Variants in SSUH2 observed in about 807,000 individuals in gnomAD.
SSUH2 encodes the protein ssu-2 homolog, also known as protein SSUH2 homolog.
A neutral mutation model predicts 55.3 loss-of-function variants in SSUH2; 47 were observed. The ratio of observed to expected loss-of-function variants is 0.85; its 90% CI spans 0.67 to 1.08. SSUH2 has a LOEUF of 1.08. Among genes scored for constraint, SSUH2 ranks in the 50% least tolerant of loss-of-function variants. The probability of loss-of-function intolerance (pLI) is 0.00; values close to 1 mark genes in which losing one functional copy is unlikely to be tolerated. For synonymous variants in SSUH2, 212 were observed against 191.5 expected (o/e 1.11, Z -0.89); for missense variants, 535 against 490.7 (o/e 1.09, Z -0.85).
intron 1 of SSUH2, chr3:8,679,967 C>A (rs577243032): frequency 6.6e-6 from 1 of 152,278 alleles, no homozygotes; most frequent in South Asian, 2.1e-4. Context: ...GGGGCGGGGA[C>A]CGGGAACCTT....
At chr3:8,665,443 C>A (rs1703907241) in intron 5 of SSUH2, among the ~76,000 whole-genome samples, 1 of 152,156 alleles carries the variant, frequency 6.6e-6, no homozygotes, top group Non-Finnish European at 1.5e-5. Flanking sequence ...CAGTCTCTGT[C>A]CCTCAGTGTT....
chr3:8,625,749 C>T, intron 9 of SSUH2, 102 bp from the exon 10 acceptor site: 1 of 741,432 alleles, frequency 1.3e-6, no homozygotes, highest in Non-Finnish European at 2.3e-6. Context: ...TGAATTGCTA[C>T]TGGAGGGACC....
intron 1 of SSUH2, among the ~76,000 whole-genome samples, chr3:8,640,701 G>A (rs994566863): frequency 4.6e-5 from 7 of 152,132 alleles, no homozygotes; most frequent in African/African-American, 7.2e-5. Flanking sequence ...AGAGAAGCAT[G>A]AATAGTTGGT....
In SSUH2 at chr3:8,632,056, G is replaced by A; in HGVS notation, c.393C>T (p.Pro131=). 6.2e-7 allele frequency: 1 copy of A among 1,613,626 alleles called. No homozygotes were observed. Among genetic ancestry groups the A allele is most frequent in the South Asian group, 1.1e-5 (1 of 91,048 alleles). ...ESRISEWTFQ[P]FTNHSVDGPQ... ...TTCAGACAATTCACTTACTAGTAAA[G>A]GGTTGAAATGTCCACTCGCTTATCC... The change falls in exon 5 of 12, where the codon CCC becomes CCT. Residue 131 remains proline, a synonymous_variant. Transcript: ENST00000544814.
intron 7 of SSUH2, 127 bp from the exon 8 acceptor site, chr3:8,627,910 T>C (rs1463598386): frequency 1.5e-6 from 1 of 658,070 alleles, no homozygotes; most frequent in Non-Finnish European, 2.4e-6. Flanking sequence ...CCTTCATCTG[T>C]AAAATGGTGC....
At chr3:8,639,363 A>G (rs1559408773) in intron 1 of SSUH2, among the ~76,000 whole-genome samples, 2 of 152,188 alleles carry the variant, frequency 1.3e-5, no homozygotes, top group Non-Finnish European at 2.9e-5. Context: ...TCCCTATTTC[A>G]GAGAAGAATG....
intron 3 of SSUH2, chr3:8,634,595 C>A: frequency 4.7e-6 from 6 of 1,289,700 alleles, no homozygotes; most frequent in Non-Finnish European, 6.1e-6. Context: ...ACAAGAGACA[C>A]TGTGGGCTGG....
In SSUH2 at chr3:8,680,295, T is replaced by C. The variant is rs1301944014; in HGVS notation, c.-1045-446A>G. Among the ~76,000 whole-genome samples, 8 of 151,914 alleles carry C rather than the reference T, an allele frequency of 5.3e-5. No homozygotes were observed. The East Asian group carries it at 1.5e-3, about 29-fold the overall frequency. The stretch of plus-strand genomic sequence containing the variant: ...CTGAACATAAAGGCCCCCCATGCTG[T>C]GGTGACTGAAAGCCAGCCCCTCTTC... On this transcript the variant is annotated intron_variant, in intron 1 of 18. Transcript: ENST00000317371.
chr3:8,654,234 G>A (rs1479998356), intron 7 of SSUH2, among the ~76,000 whole-genome samples: 3 of 152,084 alleles, frequency 2.0e-5, no homozygotes, highest in Non-Finnish European at 2.9e-5. Flanking sequence ...ATTCCATCCT[G>A]GGGACCCCAC....
intron 1 of SSUH2, chr3:8,639,897 G>T: frequency 1.1e-6 from 1 of 925,102 alleles, no homozygotes; most frequent in Non-Finnish European, 1.3e-6. Flanking sequence ...CTTAAACAAA[G>T]AGTGGGAATC....
In SSUH2 at chr3:8,635,745, C is replaced by T; in HGVS notation, c.127+14G>A. ...AGGTAGAAGCCCAAAGAACCAAGCC[C>T]TCTTGGAACTTACTGCCCCCTTGAA... On this transcript the variant is annotated intron_variant, in intron 2 of 11. Transcript: ENST00000544814. 6.5e-7 allele frequency: 1 copy of T among 1,533,596 alleles called. No homozygotes were observed. 95.0% of individuals were successfully genotyped at this position (1,533,596 alleles called of 1,614,324 possible). A position where few individuals can be genotyped will look rare whatever the true frequency, so the allele number is the denominator to read the frequency against.
In SSUH2 at chr3:8,629,304, T is replaced by G. The variant is rs1241088668; in HGVS notation, c.588+360A>C. On this transcript the variant is annotated intron_variant, in intron 7 of 11. Transcript: ENST00000544814. ...CCACTGCCCTGCACGACAAATGGAGTTGCTTGTTGGTTTCCCTGGCTGACA... is the reference window on the plus strand; with the variant it reads ...CCACTGCCCTGCACGACAAATGGAGGTGCTTGTTGGTTTCCCTGGCTGACA... 1.9e-5 allele frequency: 5 copies of G among 259,194 alleles called. No individual in the cohort carries two copies. The East Asian group carries it at 4.5e-4, about 23-fold the overall frequency. The allele number at this position is 259,194 out of a possible 1,614,324, so 16.1% of individuals were successfully genotyped here. A position where few individuals can be genotyped will look rare whatever the true frequency, so the allele number is the denominator to read the frequency against.
rs1170245041 is a variant in SSUH2 at position 8,633,737 on chromosome 3, T to C, written c.268A>G (p.Lys90Glu). 1.9e-6 allele frequency: 3 copies of C among 1,600,554 alleles called. No individual in the cohort carries two copies. Among genetic ancestry groups the C allele is most frequent in the Admixed American group, 3.4e-5 (2 of 58,776 alleles). The change falls in exon 4 of 12, where the codon AAG becomes GAG. Residue 90 changes from lysine to glutamate, a missense_variant. Physicochemically the swap from Lys to Glu is moderately conservative, Grantham distance 56. Transcript: ENST00000544814. ...REALLSFVDS[K>E]CCYSSTVAGD... ...GCCACCGTGCTGCTGTAGCAGCACTTAGAGTCCACAAAGCTGAGGAGGGCT... is the reference window on the plus strand; with the variant it reads ...GCCACCGTGCTGCTGTAGCAGCACTCAGAGTCCACAAAGCTGAGGAGGGCT...
At chr3:8,663,092 G>A (rs145903633) in intron 6 of SSUH2, among the ~76,000 whole-genome samples, 245 of 152,314 alleles carry the variant, frequency 1.6e-3, no homozygotes, top group Middle Eastern at 3.4e-3. Context: ...GATAATTAAC[G>A]TGCCATGCTG....
rs544116119 is a variant in SSUH2 at position 8,621,156 on chromosome 3, G to A, written c.982-1142C>T. ...CTTTCTTGTGGACTTCCTGTGGGCC[G>A]GGCTCTGTGCAAAAACCCCTAAGTT... On this transcript the variant is annotated intron_variant, in intron 11 of 11. Transcript: ENST00000544814. Among the ~76,000 whole-genome samples, 8 of 152,252 alleles carry A rather than the reference G, an allele frequency of 5.3e-5. No homozygotes were observed. The South Asian group carries it at 1.0e-3, about 20-fold the overall frequency.
chr3:8,656,537 C>G (rs1319214103), intron 7 of SSUH2, among the ~76,000 whole-genome samples: 1 of 152,182 alleles, frequency 6.6e-6, no homozygotes, highest in African/African-American at 2.4e-5. Context: ...ATTCCACAAA[C>G]AGTCCTCATG....
Position 8,633,795 on chromosome 3 carries a change from T to C in SSUH2, c.210A>G (p.Arg70=). ...CCACCTCCTCCGTCATCGCAGGGAC[T>C]CTGCAGGGGACCGAACAGAGAGGCG... The part of the protein sequence containing the change: ...QRSWPSFLEH[R]VPAMTEEVAR... Residue 70 remains arginine (R), a splice_region_variant and synonymous_variant, in exon 4 of 12, where the codon AGA becomes AGG. Transcript: ENST00000544814. 6.2e-7 allele frequency: 1 copy of C among 1,613,578 alleles called. No individual in the cohort carries two copies. The highest frequency in any genetic ancestry group is 1.1e-5 in the South Asian group (1 of 91,072).
chr3:8,629,749 G>A, intron 6 of SSUH2, 23 bp from the exon 7 acceptor site: 4 of 1,613,578 alleles, frequency 2.5e-6, no homozygotes, highest in Non-Finnish European at 3.4e-6. Flanking sequence ...CGCTTTCTTG[G>A]GATCTAGTTT....
intron 1 of SSUH2, among the ~76,000 whole-genome samples, chr3:8,640,706 G>T (rs577006816): frequency 2.0e-4 from 30 of 152,300 alleles, no homozygotes; most frequent in African/African-American, 7.0e-4. Context: ...AGCATGAATA[G>T]TTGGTTTGGG....
Sources: gnomAD v4.1 joint callset for allele counts (sites outside exome capture counted in the v4.1 genomes callset) on GRCh38, gnomAD v4.1.1 for gene constraint, MANE v1.5 for transcripts, NCBI Gene and HGNC (gene_info 2026-07-23, HGNC 2026-07-21) for gene names.